Variants in NINL observed in about 807,000 individuals in gnomAD.
The protein encoded by NINL is ninein-like protein.
Under a neutral mutation model 160.3 loss-of-function variants are expected in NINL, and 153 were observed. That is an observed-to-expected ratio of 0.95 (90% CI 0.84 to 1.09). NINL has a LOEUF of 1.09. NINL is among the 50% of genes least tolerant of loss of function. NINL has a pLI of 0.00. For synonymous variants in NINL, 800 were observed against 734.8 expected (o/e 1.09, Z -1.43); for missense variants, 1,829 against 1,764.0 (o/e 1.04, Z -0.66).
intron 1 of NINL, among the ~76,000 whole-genome samples, chr20:25,549,983 A>C (rs1983974): frequency 0.43 from 65,271 of 152,124 alleles, 15,525 homozygotes; most frequent in Admixed American, 0.54. Context: ...AGTAAATTCA[A>C]CACTGAGAGG....
intron 3 of NINL, 119 bp from the exon 4 acceptor site, chr20:25,513,125 T>C (rs1227676299): frequency 6.2e-6 from 6 of 961,730 alleles, no homozygotes; most frequent in Non-Finnish European, 9.2e-6. Context: ...CTCAAACACG[T>C]ACTGCTCTGC....
chr20:25,495,719 G>A (rs1400052940), intron 10 of NINL, among the ~76,000 whole-genome samples: 1 of 152,230 alleles, frequency 6.6e-6, no homozygotes, highest in Admixed American at 6.5e-5. Flanking sequence ...CTCAGCCCAG[G>A]CAGACATGTG....
intron 4 of NINL, 127 bp downstream of exon 4, chr20:25,512,707 C>T: frequency 2.4e-6 from 3 of 1,237,044 alleles, no homozygotes; most frequent in Middle Eastern, 2.9e-4. Flanking sequence ...CTTCTGGCGA[C>T]TCAGGGTGCC....
chr20:25,486,825 C>T (rs1265399813), intron 13 of NINL, among the ~76,000 whole-genome samples: 3 of 152,144 alleles, frequency 2.0e-5, no homozygotes, highest in Non-Finnish European at 4.4e-5. Context: ...CAGAGTGAAT[C>T]GAGAATAGAC....
chr20:25,550,827 C>T (rs1324664439), intron 1 of NINL, among the ~76,000 whole-genome samples: 3 of 152,206 alleles, frequency 2.0e-5, no homozygotes, highest in African/African-American at 7.2e-5. Flanking sequence ...TTCCCAGGGA[C>T]CAGCAGGAGA....
intron 13 of NINL, among the ~76,000 whole-genome samples, chr20:25,484,663 C>T (rs140878203): frequency 6.2e-4 from 94 of 152,252 alleles, no homozygotes; most frequent in African/African-American, 2.0e-3. Context: ...TAGATCTGGA[C>T]GGACAGGATT....
rs990220792 is a variant in NINL at position 25,491,591 on chromosome 20, C to T, written c.1311-66G>A. 11 of 1,546,440 alleles carry T rather than the reference C, an allele frequency of 7.1e-6. No homozygotes were observed. In the African/African-American group the frequency reaches 8.1e-5, roughly 11 times the overall value. Reference sequence around the variant, plus strand: ...AGGGCTGCCCAGGCCCACGCCACCCCCTTCCTAGCCTCCTCCCTCTTAGAA... The same window carrying T: ...AGGGCTGCCCAGGCCCACGCCACCCTCTTCCTAGCCTCCTCCCTCTTAGAA... On this transcript the variant is annotated intron_variant, in intron 10 of 23. Coordinates refer to ENST00000278886, the MANE Select transcript of NINL (RefSeq NM_025176.6).
intron 1 of NINL, among the ~76,000 whole-genome samples, chr20:25,576,315 T>G (rs1248150268): frequency 6.6e-6 from 1 of 152,170 alleles, no homozygotes; most frequent in Non-Finnish European, 1.5e-5. Flanking sequence ...AACACCTGGG[T>G]CAGGTGTGTC....
intron 10 of NINL, 78 bp downstream of exon 10, chr20:25,496,585 A>AGCCCTGTGTCCACTACCT (rs1272698693): frequency 6.4e-7 from 1 of 1,552,428 alleles, no homozygotes; most frequent in African/African-American, 1.4e-5. Flanking sequence ...GGCCCCTGGC[A>AGCCCTGTGTCCACTACCT]GCCCTGTGTC....
At chr20:25,486,652 G>A (rs569158971) in intron 13 of NINL, among the ~76,000 whole-genome samples, 120 of 152,278 alleles carry the variant, frequency 7.9e-4, no homozygotes, top group African/African-American at 2.8e-3. Flanking sequence ...GAGACGTGCA[G>A]GGAACAACGG....
intron 1 of NINL, among the ~76,000 whole-genome samples, chr20:25,575,664 T>C (rs2065107019): frequency 6.6e-6 from 1 of 151,526 alleles, no homozygotes; most frequent in Non-Finnish European, 1.5e-5. Context: ...GGCAGGAGAA[T>C]TGTTGGAACC....
intron 2 of NINL, among the ~76,000 whole-genome samples, chr20:25,525,901 T>C (rs770894285): frequency 1.3e-5 from 2 of 152,230 alleles, no homozygotes; most frequent in Non-Finnish European, 2.9e-5. Flanking sequence ...GTTTTCTATC[T>C]GGCCTAGATG....
intron 12 of NINL, among the ~76,000 whole-genome samples, chr20:25,489,563 T>A (rs1309318081): frequency 4.6e-5 from 7 of 152,000 alleles, no homozygotes; most frequent in Non-Finnish European, 1.0e-4. Flanking sequence ...GCCCAGACCC[T>A]GACCCTGGGC....
intron 10 of NINL, among the ~76,000 whole-genome samples, chr20:25,492,733 C>T (rs927729242): frequency 1.3e-5 from 2 of 152,074 alleles, no homozygotes; most frequent in South Asian, 2.1e-4. Flanking sequence ...TGAGCCACCA[C>T]ACCCGGCCAC....
At chr20:25,515,762 G>A (rs1475751136) in intron 3 of NINL, among the ~76,000 whole-genome samples, 3 of 151,766 alleles carry the variant, frequency 2.0e-5, no homozygotes, top group African/African-American at 7.3e-5. Context: ...TTTTATTGTT[G>A]TTTGTTTGTT....
At chr20:25,539,449 C>G (rs2064623053) in intron 1 of NINL, among the ~76,000 whole-genome samples, 1 of 152,212 alleles carries the variant, frequency 6.6e-6, no homozygotes, top group African/African-American at 2.4e-5. Context: ...GCCTCGCGGT[C>G]TATAGGGTGA....
intron 18 of NINL, among the ~76,000 whole-genome samples, chr20:25,468,105 T>C (rs753831230): frequency 6.6e-6 from 1 of 152,148 alleles, no homozygotes; most frequent in Non-Finnish European, 1.5e-5. Flanking sequence ...TGTCCTTGGA[T>C]ATGGCTACAG....
At chr20:25,562,357 G>C (rs1023714570) in intron 1 of NINL, among the ~76,000 whole-genome samples, 2 of 98,678 alleles carry the variant, frequency 2.0e-5, no homozygotes, top group Non-Finnish European at 4.2e-5. Flanking sequence ...TAGAAAAGGG[G>C]GAAAGGTGGG....
intron 5 of NINL, among the ~76,000 whole-genome samples, chr20:25,508,822 G>C (rs1157784425): frequency 6.6e-6 from 1 of 151,908 alleles, no homozygotes; most frequent in East Asian, 1.9e-4. Flanking sequence ...CCCTACACCT[G>C]CACCGTACAT....
Sources: allele counts gnomAD v4.1 joint callset (sites outside exome capture counted in the v4.1 genomes callset), GRCh38; gene constraint gnomAD v4.1.1; transcripts MANE v1.5; gene names NCBI Gene and HGNC (gene_info 2026-07-23, HGNC 2026-07-21).